Variants in ROBO1 observed in about 807,000 individuals in gnomAD.
ROBO1 encodes roundabout homolog 1.
Under a neutral mutation model 195.9 loss-of-function variants are expected in ROBO1, and 149 were observed. The observed-to-expected ratio is 0.76, with a 90% CI of 0.67 to 0.87. ROBO1 has a LOEUF of 0.87. Ranked by LOEUF, ROBO1 falls within the 40% of genes least tolerant of loss-of-function variation. The pLI is 0.00. For synonymous variants in ROBO1, 816 were observed against 733.2 expected (o/e 1.11, Z -1.82); for missense variants, 1,933 against 2,068.3 (o/e 0.93, Z 1.27).
chr3:79,684,653 T>TATGATG (rs111991356), intron 1 of ROBO1, among the ~76,000 whole-genome samples: 5 of 151,022 alleles, frequency 3.3e-5, no homozygotes, highest in African/African-American at 7.3e-5. Context: ...ACTCCTGAAT[T>TATGATG]ATGATGATGA....
At chr3:78,999,036 A>C (rs2077434203) in intron 3 of ROBO1, among the ~76,000 whole-genome samples, 1 of 152,136 alleles carries the variant, frequency 6.6e-6, no homozygotes, top group Non-Finnish European at 1.5e-5. Context: ...CACACCACTC[A>C]GAATGGCTAT....
intron 3 of ROBO1, among the ~76,000 whole-genome samples, chr3:78,981,133 TG>T (rs1170830834): frequency 2.0e-5 from 3 of 152,332 alleles, no homozygotes; most frequent in East Asian, 1.9e-4. Flanking sequence ...CAAGCTCACA[TG>T]GCTGGTAATT....
intron 8 of ROBO1, among the ~76,000 whole-genome samples, chr3:78,706,300 T>C (rs1036864903): frequency 7.9e-5 from 12 of 151,844 alleles, no homozygotes; most frequent in Admixed American, 3.9e-4. Context: ...AGAGATAAGC[T>C]ACATGGTGGT....
intron 3 of ROBO1, among the ~76,000 whole-genome samples, chr3:79,076,337 A>G (rs1056169881): frequency 6.7e-5 from 10 of 149,404 alleles, no homozygotes; most frequent in African/African-American, 2.4e-4. Context: ...TTTTATATGT[A>G]ATTGAAGAAA....
intron 4 of ROBO1, 104 bp from the exon 5 acceptor site, chr3:78,747,004 T>G: frequency 1.5e-6 from 1 of 653,650 alleles, no homozygotes; most frequent in Non-Finnish European, 2.2e-6. Flanking sequence ...AAACTACCAC[T>G]AATAGCTCTT....
intron 2 of ROBO1, among the ~76,000 whole-genome samples, chr3:79,183,087 A>G (rs191673985): frequency 6.6e-6 from 1 of 151,896 alleles, no homozygotes; most frequent in East Asian, 1.9e-4. Flanking sequence ...ACTCAAAAAA[A>G]AAAAAAAAAA....
intron 2 of ROBO1, among the ~76,000 whole-genome samples, chr3:79,283,596 C>T (rs1423274855): frequency 2.6e-5 from 4 of 152,142 alleles, no homozygotes; most frequent in Non-Finnish European, 2.9e-5. Context: ...TTTTATCTCC[C>T]CCATATTCCT....
At chr3:79,633,335 A>T (rs1019293120) in intron 1 of ROBO1, among the ~76,000 whole-genome samples, 1 of 146,150 alleles carries the variant, frequency 6.8e-6, no homozygotes, top group Non-Finnish European at 1.5e-5. Flanking sequence ...TACCACACCC[A>T]GCTAATTTTT....
intron 2 of ROBO1, among the ~76,000 whole-genome samples, chr3:79,338,150 GC>G (rs2034755074): frequency 6.6e-6 from 1 of 152,098 alleles, no homozygotes; most frequent in African/African-American, 2.4e-5. Flanking sequence ...GTAATTGCTT[GC>G]TGTTGTTTAT....
intron 3 of ROBO1, among the ~76,000 whole-genome samples, chr3:79,104,946 G>T (rs1048344531): frequency 1.2e-4 from 18 of 151,676 alleles, no homozygotes; most frequent in African/African-American, 4.4e-4. Context: ...AATGGAAAAC[G>T]GCAGGTGTTT....
In ROBO1 at chr3:79,045,051, A is replaced by G. The variant is rs569759106; in HGVS notation, c.172+80405T>C. Among the ~76,000 whole-genome samples, 4 of 152,224 alleles carry G rather than the reference A, an allele frequency of 2.6e-5. No individual in the cohort carries two copies. In the East Asian group the frequency reaches 7.7e-4, roughly 29 times the overall value. On this transcript the variant is annotated intron_variant, in intron 3 of 30. Coordinates refer to ENST00000464233, the MANE Select transcript of ROBO1 (RefSeq NM_002941.4). ...TGTGATAGGAATTGGGCTGTCAGCA[A>G]AGAATAGTTCTTTGAAAGACCATGA...
At chr3:79,593,601 AT>A (rs57655866) in intron 1 of ROBO1, among the ~76,000 whole-genome samples, 5 of 149,660 alleles carry the variant, frequency 3.3e-5, no homozygotes, top group East Asian at 2.0e-4. Flanking sequence ...GAGTTTAAGA[AT>A]TTTTTTTTTG....
At chr3:79,097,889 G>T (rs984982399) in intron 3 of ROBO1, among the ~76,000 whole-genome samples, 1 of 151,202 alleles carries the variant, frequency 6.6e-6, no homozygotes, top group Admixed American at 6.6e-5. Context: ...TGTGGAAAAA[G>T]AATAGTTCTA....
chr3:78,718,082 CA>C (rs2081947346), intron 5 of ROBO1, among the ~76,000 whole-genome samples, 199 bp from the exon 6 acceptor site: 1 of 152,108 alleles, frequency 6.6e-6, no homozygotes, highest in African/African-American at 2.4e-5. Context: ...ATAAAAGAAG[CA>C]AAAATGTTTC....
chr3:79,764,058 C>T (rs1158360887), intron 1 of ROBO1, among the ~76,000 whole-genome samples: 2 of 152,166 alleles, frequency 1.3e-5, no homozygotes, highest in African/African-American at 4.8e-5. Context: ...ATAGTCATGT[C>T]TATTTTCCTT....
chr3:79,181,629 A>C (rs913851446), intron 2 of ROBO1, among the ~76,000 whole-genome samples: 1 of 152,210 alleles, frequency 6.6e-6, no homozygotes, highest in Non-Finnish European at 1.5e-5. Context: ...GGAATATGAT[A>C]ATTGTAATAT....
In ROBO1 at chr3:79,714,514, A is replaced by T. The variant is rs190231169; in HGVS notation, c.-51+53238T>A. On this transcript the variant is annotated intron_variant, in intron 1 of 30. Coordinates refer to ENST00000464233, the MANE Select transcript of ROBO1 (RefSeq NM_002941.4). ...CCATTACTGGGTATATACCCAAAGG[A>T]TTATAAATCATGCTGCTATAAAGAC... 3.1e-3 allele frequency among the ~76,000 whole-genome samples: 478 copies of T among 152,198 alleles called. 2 individuals carry two copies. The highest frequency in any genetic ancestry group is 0.011 in the African/African-American group (449 of 41,506).
intron 2 of ROBO1, among the ~76,000 whole-genome samples, chr3:79,354,832 A>G (rs2035480180): frequency 6.6e-6 from 1 of 152,188 alleles, no homozygotes; most frequent in African/African-American, 2.4e-5. Flanking sequence ...CGTCAAGCCT[A>G]GAGATGTAGA....
intron 2 of ROBO1, among the ~76,000 whole-genome samples, chr3:79,543,903 AT>A (rs1048703364): frequency 1.9e-4 from 29 of 152,076 alleles, no homozygotes; most frequent in Non-Finnish European, 3.5e-4. Flanking sequence ...TCCTCTGTAC[AT>A]TTCTTGTGTT....
Sources: allele counts gnomAD v4.1 joint callset (sites outside exome capture counted in the v4.1 genomes callset), GRCh38; gene constraint gnomAD v4.1.1; transcripts MANE v1.5; gene names NCBI Gene and HGNC (gene_info 2026-07-23, HGNC 2026-07-21).